The following WASF1 variants were observed in gnomAD, a reference collection of about 807,000 sequenced individuals.
WASF1 encodes the protein WASP family member 1.
A neutral mutation model predicts 50.5 loss-of-function variants in WASF1; 7 were observed. The ratio of observed to expected loss-of-function variants is 0.14; its 90% CI spans 0.08 to 0.26. The LOEUF (loss-of-function observed/expected upper bound fraction) is 0.26. Among genes scored for constraint, WASF1 ranks in the 10% least tolerant of loss-of-function variants. WASF1 has a pLI of 1.00. For missense variants in WASF1, 470 were observed against 694.7 expected (o/e 0.68, Z 3.64); for synonymous variants, 205 against 244.0 (o/e 0.84, Z 1.49).
At chr6:110,131,307 GAATT>G (rs1774658030) in intron 3 of WASF1, among the ~76,000 whole-genome samples, 1 of 152,010 alleles carries the variant, frequency 6.6e-6, no homozygotes. Context: ...AACTGATGTG[GAATT>G]AATTTTGTGA....
At position 110,104,042 on chromosome 6, in the gene WASF1, C is replaced by A. The variant is rs553902922; in HGVS notation, c.714-485G>T. 5.1e-4 allele frequency among the ~76,000 whole-genome samples: 77 copies of A among 151,752 alleles called. 1 individual carries two copies. The highest frequency in any genetic ancestry group is 3.3e-4 in the Admixed American group (5 of 15,240). On this transcript the variant is annotated intron_variant, in intron 8 of 10. Transcript: ENST00000392589. ...AGTCTTGCACCAGAGAGAAAGGCCT[C>A]CCAGATACTAGCAGCACAGAGGTGG...
intron 3 of WASF1, among the ~76,000 whole-genome samples, chr6:110,134,656 C>CCT: frequency 6.6e-6 from 1 of 152,140 alleles, no homozygotes; most frequent in Middle Eastern, 3.4e-3. Flanking sequence ...AAACTCCTGA[C>CCT]CTCAGGTGAT....
At chr6:110,124,274 C>CTCTCTCTCTCTCTA (rs1331534646) in intron 4 of WASF1, among the ~76,000 whole-genome samples, 2 of 20,502 alleles carry the variant, frequency 9.8e-5, no homozygotes, top group Non-Finnish European at 1.5e-4. Flanking sequence ...CTCTCTCTCT[C>CTCTCTCTCTCTCTA]TATATATATA....
chr6:110,175,233 G>T (rs73537910), intron 2 of WASF1, among the ~76,000 whole-genome samples: 4,159 of 152,050 alleles, frequency 0.027, 181 homozygotes, highest in African/African-American at 0.094. Flanking sequence ...TTTCTTCAAA[G>T]TATGAATAAA....
chr6:110,148,774 C>T (rs970053570), intron 3 of WASF1, among the ~76,000 whole-genome samples: 1 of 152,050 alleles, frequency 6.6e-6, no homozygotes, highest in Non-Finnish European at 1.5e-5. Context: ...TGCAGGTAGA[C>T]CAGACAGAAG....
chr6:110,158,342 G>A (rs528459344), intron 3 of WASF1, among the ~76,000 whole-genome samples: 17 of 110,208 alleles, frequency 1.5e-4, no homozygotes, highest in Admixed American at 7.5e-4. Flanking sequence ...GTTTATTTGC[G>A]TAGAGGTGTT....
intron 3 of WASF1, among the ~76,000 whole-genome samples, chr6:110,153,999 A>C (rs1473937859): frequency 1.3e-5 from 2 of 152,124 alleles, no homozygotes; most frequent in Non-Finnish European, 2.9e-5. Context: ...AGTTGAGGAT[A>C]CATTTGGAGT....
intron 5 of WASF1, among the ~76,000 whole-genome samples, chr6:110,109,141 A>G (rs1773448688): frequency 6.6e-6 from 1 of 152,178 alleles, no homozygotes. Flanking sequence ...TCTATGCTAC[A>G]TATACTATAA....
chr6:110,147,414 T>TA (rs1002346460), intron 3 of WASF1, among the ~76,000 whole-genome samples: 2 of 151,082 alleles, frequency 1.3e-5, no homozygotes, highest in African/African-American at 4.9e-5. Flanking sequence ...GATAGGCTAC[T>TA]AAAGTCGAAA....
At chr6:110,149,839 C>A (rs1258653108) in intron 3 of WASF1, among the ~76,000 whole-genome samples, 1 of 152,072 alleles carries the variant, frequency 6.6e-6, no homozygotes, top group Non-Finnish European at 1.5e-5. Flanking sequence ...AGTATGTAGT[C>A]TTTTATCCCT....
chr6:110,110,873 C>T (rs1773523273), intron 5 of WASF1, among the ~76,000 whole-genome samples: 2 of 151,520 alleles, frequency 1.3e-5, no homozygotes, highest in South Asian at 4.1e-4. Flanking sequence ...TAACTGAAAA[C>T]TCCTTCAATA....
intron 4 of WASF1, among the ~76,000 whole-genome samples, chr6:110,115,556 T>C (rs937704416): frequency 6.6e-6 from 1 of 152,156 alleles, no homozygotes; most frequent in African/African-American, 2.4e-5. Flanking sequence ...AGAACCCCAT[T>C]AGTTTCACAC....
intron 2 of WASF1, among the ~76,000 whole-genome samples, chr6:110,166,018 G>A (rs1025910070): frequency 3.3e-5 from 5 of 151,596 alleles, no homozygotes; most frequent in African/African-American, 1.2e-4. Context: ...AAATGCAGTA[G>A]GGCAAAGTTA....
At chr6:110,103,610 G>T in intron 8 of WASF1, 53 bp from the exon 9 acceptor site, 1 of 1,474,058 alleles carries the variant, frequency 6.8e-7, no homozygotes. Context: ...TGGGAGGAAA[G>T]GGTTCTACAT....
rs146190071 is a variant in WASF1, at chr6:110,153,849, A to G, written c.-29+6786T>C. 3.9e-5 allele frequency among the ~76,000 whole-genome samples: 6 copies of G among 152,136 alleles called. No individual in the cohort carries two copies. The East Asian group carries it at 9.7e-4, about 25-fold the overall frequency. On this transcript the variant is annotated intron_variant, in intron 3 of 10. Transcript: ENST00000392589. The stretch of plus-strand genomic sequence containing the variant: ...GGATTTGTGTGTGTCTGGTAATTTG[A>G]GGTTTATGCTATACGCCTGGATTTA...
At chr6:110,121,235 C>T (rs1328869229) in intron 4 of WASF1, among the ~76,000 whole-genome samples, 4 of 152,152 alleles carry the variant, frequency 2.6e-5, no homozygotes, top group Non-Finnish European at 4.4e-5. Context: ...CAACTACCAT[C>T]AGAGTGAACA....
At chr6:110,133,479 T>C (rs942975208) in intron 3 of WASF1, among the ~76,000 whole-genome samples, 2 of 152,316 alleles carry the variant, frequency 1.3e-5, no homozygotes, top group South Asian at 2.1e-4. Context: ...TTCTCCATAG[T>C]GTTTGTACTA....
intron 2 of WASF1, among the ~76,000 whole-genome samples, chr6:110,172,250 A>G (rs1301203686): frequency 6.6e-6 from 1 of 152,216 alleles, no homozygotes; most frequent in African/African-American, 2.4e-5. Flanking sequence ...TTATTGCGAC[A>G]CCATTCACAA....
intron 2 of WASF1, among the ~76,000 whole-genome samples, chr6:110,171,672 TA>T (rs1269790197): frequency 2.6e-5 from 4 of 151,920 alleles, no homozygotes; most frequent in African/African-American, 9.6e-5. Context: ...AAAGCCAAAA[TA>T]AGACAAATGG....
Sources: gnomAD v4.1 joint callset for allele counts (sites outside exome capture counted in the v4.1 genomes callset) on GRCh38, gnomAD v4.1.1 for gene constraint, MANE v1.5 for transcripts, NCBI Gene and HGNC (gene_info 2026-07-23, HGNC 2026-07-21) for gene names.